Variants in ST6GALNAC5 observed in about 807,000 individuals in gnomAD.
ST6GALNAC5 encodes ST6 N-acetylgalactosaminide alpha-2,6-sialyltransferase 5.
ST6GALNAC5 carries 27 observed loss-of-function variants against 33.6 expected under a neutral mutation model. That is an observed-to-expected ratio of 0.80 (90% CI 0.59 to 1.11). The LOEUF is 1.11. Ranked by LOEUF, ST6GALNAC5 falls within the 50% of genes least tolerant of loss-of-function variation. ST6GALNAC5 has a pLI of 0.00. For synonymous variants in ST6GALNAC5, 194 were observed against 171.2 expected (o/e 1.13, Z -1.04); for missense variants, 428 against 454.0 (o/e 0.94, Z 0.52).
chr1:76,874,825 A>G (rs929103147), intron 2 of ST6GALNAC5, among the ~76,000 whole-genome samples: 2 of 152,152 alleles, frequency 1.3e-5, no homozygotes, highest in Non-Finnish European at 2.9e-5. Context: ...TAACCATCGC[A>G]AGTCCACCCC....
intron 2 of ST6GALNAC5, among the ~76,000 whole-genome samples, chr1:77,030,984 A>T (rs543177348): frequency 6.6e-6 from 1 of 152,334 alleles, no homozygotes; most frequent in East Asian, 1.9e-4. Flanking sequence ...AGTTTCCATT[A>T]CATAAACAGT....
At chr1:77,056,511 C>T (rs1022996053) in intron 4 of ST6GALNAC5, among the ~76,000 whole-genome samples, 6 of 152,070 alleles carry the variant, frequency 3.9e-5, no homozygotes, top group Admixed American at 2.6e-4. Context: ...ATATCTCATC[C>T]GCAATATGAA....
At chr1:77,058,592 C>A (rs888158318) in intron 4 of ST6GALNAC5, among the ~76,000 whole-genome samples, 3 of 152,194 alleles carry the variant, frequency 2.0e-5, no homozygotes, top group Non-Finnish European at 2.9e-5. Flanking sequence ...AGATGCCCAA[C>A]CTTGAATTTT....
chr1:77,007,032 A>C (rs977014095), intron 2 of ST6GALNAC5, among the ~76,000 whole-genome samples: 1 of 152,160 alleles, frequency 6.6e-6, no homozygotes, highest in Non-Finnish European at 1.5e-5. Context: ...TCCAGTGCAT[A>C]AGCTCTTTTC....
At chr1:77,018,086 G>A (rs977622622) in intron 2 of ST6GALNAC5, among the ~76,000 whole-genome samples, 1 of 152,170 alleles carries the variant, frequency 6.6e-6, no homozygotes, top group Non-Finnish European at 1.5e-5. Flanking sequence ...CATTCTGAAT[G>A]ATGGAGTTCT....
chr1:77,012,986 G>A lies in ST6GALNAC5; in HGVS notation c.262-31218G>A, dbSNP rs190220137. Among the ~76,000 whole-genome samples, 199 of 152,206 alleles carry A rather than the reference G, an allele frequency of 1.3e-3. 1 individual carries two copies. Among genetic ancestry groups the A allele is most frequent in the African/African-American group, 4.6e-3 (191 of 41,546 alleles). On this transcript the variant is annotated intron_variant, in intron 2 of 4. Transcript: ENST00000477717. ...GGTTGGGAAAGTCAAGTGCAAAAAAGCCCCCAAAGAAGGAGGCTTTGCATT... is the reference window on the plus strand; with the variant it reads ...GGTTGGGAAAGTCAAGTGCAAAAAAACCCCCAAAGAAGGAGGCTTTGCATT...
chr1:76,945,871 GA>G (rs1209110455), intron 2 of ST6GALNAC5, among the ~76,000 whole-genome samples: 1 of 152,120 alleles, frequency 6.6e-6, no homozygotes, highest in Non-Finnish European at 1.5e-5. Flanking sequence ...TAATGGTTGT[GA>G]AGTCATTTAG....
intron 4 of ST6GALNAC5, among the ~76,000 whole-genome samples, chr1:77,050,613 A>G (rs1652188315): frequency 6.6e-6 from 1 of 152,246 alleles, no homozygotes; most frequent in Non-Finnish European, 1.5e-5. Context: ...CTGAATATTT[A>G]TCAGCCAGAA....
chr1:77,035,726 T>G (rs1322044832), intron 2 of ST6GALNAC5, among the ~76,000 whole-genome samples: 1 of 152,202 alleles, frequency 6.6e-6, no homozygotes, highest in Non-Finnish European at 1.5e-5. Context: ...AGTGAGGTAC[T>G]TCTTTTCACC....
At chr1:76,952,590 G>A (rs991149198) in intron 2 of ST6GALNAC5, among the ~76,000 whole-genome samples, 1 of 151,924 alleles carries the variant, frequency 6.6e-6, no homozygotes, top group Non-Finnish European at 1.5e-5. Context: ...TTGAGATGAT[G>A]GGTATGCCAA....
chr1:76,931,015 T>A (rs909827473), intron 2 of ST6GALNAC5, among the ~76,000 whole-genome samples: 3 of 152,094 alleles, frequency 2.0e-5, no homozygotes, highest in Non-Finnish European at 4.4e-5. Context: ...GATGGAATAT[T>A]CATGATGACA....
chr1:76,905,444 A>C (rs1399100741), intron 2 of ST6GALNAC5, among the ~76,000 whole-genome samples: 2 of 152,178 alleles, frequency 1.3e-5, no homozygotes, highest in Non-Finnish European at 2.9e-5. Context: ...TTAAATTTAC[A>C]TAGAGACAGA....
chr1:76,913,549 G>C (rs1027626521), intron 2 of ST6GALNAC5, among the ~76,000 whole-genome samples: 2 of 152,072 alleles, frequency 1.3e-5, no homozygotes, highest in Non-Finnish European at 2.9e-5. Flanking sequence ...GTCACTTTCA[G>C]GTAAACCAAT....
intron 2 of ST6GALNAC5, among the ~76,000 whole-genome samples, chr1:76,965,110 T>C (rs1648405869): frequency 6.6e-6 from 1 of 152,340 alleles, no homozygotes; most frequent in African/African-American, 2.4e-5. Context: ...TATAATCCTT[T>C]GGGTATATAC....
chr1:76,980,253 C>T (rs1201860089), intron 2 of ST6GALNAC5, among the ~76,000 whole-genome samples: 6 of 151,932 alleles, frequency 3.9e-5, no homozygotes, highest in African/African-American at 1.5e-4. Context: ...TTTGATATTT[C>T]AATATTTGTA....
chr1:76,965,925 G>A (rs1648453034), intron 2 of ST6GALNAC5, among the ~76,000 whole-genome samples: 1 of 152,162 alleles, frequency 6.6e-6, no homozygotes, highest in Non-Finnish European at 1.5e-5. Flanking sequence ...GTAGATGTGT[G>A]GTGTTATTTC....
intron 2 of ST6GALNAC5, among the ~76,000 whole-genome samples, chr1:76,940,289 A>G (rs1342745610): frequency 6.6e-6 from 1 of 152,078 alleles, no homozygotes; most frequent in African/African-American, 2.4e-5. Context: ...TAAGTGTTCA[A>G]TAAATGTTTA....
Position 76,954,178 on chromosome 1 carries a change from C to T in ST6GALNAC5, c.261+85436C>T, listed in dbSNP as rs1260204267. 2.0e-5 allele frequency among the ~76,000 whole-genome samples: 3 copies of T among 152,200 alleles called. No homozygotes were observed. The East Asian group carries it at 5.8e-4, about 29-fold the overall frequency. ...ACAAAAAAAATGTGGTACATATACA[C>T]CATGGAATACTGTGCAGCCTTAAAA... On this transcript the variant is annotated intron_variant, in intron 2 of 4. Coordinates refer to ENST00000477717, the MANE Select transcript of ST6GALNAC5 (RefSeq NM_030965.3).
At chr1:76,946,217 C>T (rs768456347) in intron 2 of ST6GALNAC5, among the ~76,000 whole-genome samples, 7 of 152,152 alleles carry the variant, frequency 4.6e-5, no homozygotes, top group South Asian at 4.1e-4. Flanking sequence ...AATTAGACAC[C>T]GAAAGTATAC....
Sources: gnomAD v4.1 joint callset for allele counts (sites outside exome capture counted in the v4.1 genomes callset) on GRCh38, gnomAD v4.1.1 for gene constraint, MANE v1.5 for transcripts, NCBI Gene and HGNC (gene_info 2026-07-23, HGNC 2026-07-21) for gene names.